Variants in ANO10 observed in about 807,000 individuals in gnomAD.
ANO10 encodes anoctamin 10, also known as anoctamin-10.
Under a neutral mutation model 74.7 loss-of-function variants are expected in ANO10, and 77 were observed. The observed-to-expected ratio is 1.03, with a 90% CI of 0.86 to 1.25. The LOEUF (loss-of-function observed/expected upper bound fraction) is 1.25, where lower values mean the gene tolerates loss of function less well. Ranked by LOEUF, ANO10 falls within the 50% of genes most tolerant of loss-of-function variation. The probability of loss-of-function intolerance (pLI) is 0.00; values close to 1 mark genes in which losing one functional copy is unlikely to be tolerated. For synonymous variants in ANO10, 279 were observed against 284.9 expected, an observed-to-expected ratio of 0.98 and a Z score of 0.21; for missense variants, 721 against 778.1, an observed-to-expected ratio of 0.93 and a Z score of 0.87.
At chr3:43,451,429 C>T (rs1374787178) in intron 11 of ANO10, among the ~76,000 whole-genome samples, 2 of 152,214 alleles carry the variant, frequency 1.3e-5, no homozygotes, top group African/African-American at 4.8e-5. Flanking sequence ...TCTGTTCAAT[C>T]GGCTTCCTTT....
intron 11 of ANO10, among the ~76,000 whole-genome samples, chr3:43,475,589 T>G (rs1293024679): frequency 2.7e-5 from 4 of 150,120 alleles, no homozygotes; most frequent in South Asian, 2.1e-4. Context: ...GTGGGGGGGG[T>G]TCTTTGTTTT....
intron 12 of ANO10, among the ~76,000 whole-genome samples, chr3:43,430,545 CT>C (rs1303259636): frequency 6.6e-6 from 1 of 152,024 alleles, no homozygotes; most frequent in Non-Finnish European, 1.5e-5. Flanking sequence ...AATAATCCTT[CT>C]TTTTTCCATT....
intron 11 of ANO10, among the ~76,000 whole-genome samples, chr3:43,439,211 C>T (rs1490018185): frequency 6.6e-6 from 1 of 151,152 alleles, no homozygotes; most frequent in African/African-American, 2.4e-5. Context: ...AGATTGGGGG[C>T]CAGAAGAGAA....
chr3:43,407,214 T>TA (rs1253026352), intron 12 of ANO10, among the ~76,000 whole-genome samples: 4 of 152,086 alleles, frequency 2.6e-5, no homozygotes, highest in Non-Finnish European at 5.9e-5. Flanking sequence ...GCAATGGAGA[T>TA]ACTTTAGAGA....
intron 11 of ANO10, among the ~76,000 whole-genome samples, chr3:43,534,700 G>C (rs542301408): frequency 1.3e-5 from 2 of 152,340 alleles, no homozygotes; most frequent in South Asian, 4.1e-4. Context: ...GAAACAGACA[G>C]TAAGGCAGTG....
In ANO10 at chr3:43,608,292, G is replaced by T. The variant is rs77893670; in HGVS notation, c.-11-2429C>A. Among the ~76,000 whole-genome samples, 111 of 152,212 alleles carry T rather than the reference G, an allele frequency of 7.3e-4. 1 individual carries two copies. In the East Asian group the frequency reaches 0.016, roughly 22 times the overall value. ...AATATTATGGCTACTCCAAAATTATGTACCTGGTCAAAATATGCCTCAAGA... is the reference window on the plus strand; with the variant it reads ...AATATTATGGCTACTCCAAAATTATTTACCTGGTCAAAATATGCCTCAAGA... On this transcript the variant is annotated intron_variant, in intron 1 of 12. Transcript: ENST00000292246.
chr3:43,558,280 G>T (rs1027525841), intron 9 of ANO10, among the ~76,000 whole-genome samples: 2 of 152,104 alleles, frequency 1.3e-5, no homozygotes, highest in African/African-American at 4.8e-5. Context: ...TCATTTAGTA[G>T]AAGGCAGTTC....
At chr3:43,637,681 A>G (rs966568266) in intron 1 of ANO10, 3 of 151,616 alleles carry the variant, frequency 2.0e-5, no homozygotes, top group Non-Finnish European at 4.4e-5. Flanking sequence ...CACTTTGTGT[A>G]CAGAAATGAA....
chr3:43,655,096 G>A (rs1292508660), intron 1 of ANO10, among the ~76,000 whole-genome samples: 2 of 152,056 alleles, frequency 1.3e-5, no homozygotes, highest in African/African-American at 2.4e-5. Flanking sequence ...CCTTTTACAC[G>A]TATACACAGT....
chr3:43,368,285 C>A (rs1250589448), intron 12 of ANO10, among the ~76,000 whole-genome samples: 2 of 152,090 alleles, frequency 1.3e-5, no homozygotes, highest in African/African-American at 4.8e-5. Context: ...AGTTTACCTG[C>A]GGTGGGGGTA....
chr3:43,399,888 T>C (rs562255950), intron 12 of ANO10, among the ~76,000 whole-genome samples: 2 of 152,152 alleles, frequency 1.3e-5, no homozygotes, highest in South Asian at 2.1e-4. Flanking sequence ...CAAAGCTCCT[T>C]CCCTAAGCTC....
At chr3:43,394,416 C>T (rs140413018) in intron 12 of ANO10, among the ~76,000 whole-genome samples, 24 of 152,250 alleles carry the variant, frequency 1.6e-4, no homozygotes, top group Non-Finnish European at 2.1e-4. Flanking sequence ...GTGTCAAATT[C>T]TCCCACCCTC....
At chr3:43,590,599 A>C (rs1016310611) in intron 4 of ANO10, among the ~76,000 whole-genome samples, 1 of 152,228 alleles carries the variant, frequency 6.6e-6, no homozygotes, top group African/African-American at 2.4e-5. Flanking sequence ...AAACGATCTA[A>C]GAGACAAATG....
chr3:43,449,248 C>G (rs773459762), intron 11 of ANO10, among the ~76,000 whole-genome samples: 1 of 152,018 alleles, frequency 6.6e-6, no homozygotes, highest in Admixed American at 6.6e-5. Flanking sequence ...TTATCATTTA[C>G]GTATTTTGCA....
chr3:43,586,410 C>T (rs1017570003), intron 4 of ANO10, among the ~76,000 whole-genome samples: 17 of 152,126 alleles, frequency 1.1e-4, no homozygotes, highest in Admixed American at 8.5e-4. Flanking sequence ...GGAGAACGCA[C>T]TGCCAGGTAA....
At chr3:43,389,496 T>C (rs1447982722) in intron 12 of ANO10, among the ~76,000 whole-genome samples, 1 of 152,336 alleles carries the variant, frequency 6.6e-6, no homozygotes. Context: ...TGGATGGATC[T>C]AGGAGAAGAA....
intron 1 of ANO10, among the ~76,000 whole-genome samples, chr3:43,658,613 T>G (rs938159188): frequency 5.3e-5 from 8 of 152,100 alleles, no homozygotes; most frequent in Admixed American, 4.6e-4. Context: ...GGGATTACAG[T>G]CACCTGCCAA....
chr3:43,446,171 G>A (rs779365145), intron 11 of ANO10, among the ~76,000 whole-genome samples: 2 of 152,162 alleles, frequency 1.3e-5, no homozygotes, highest in Non-Finnish European at 1.5e-5. Flanking sequence ...GTGCCTTAGG[G>A]CCTAACAGAG....
chr3:43,555,054 T>C (rs1481437881), intron 10 of ANO10, among the ~76,000 whole-genome samples: 2 of 152,138 alleles, frequency 1.3e-5, no homozygotes, highest in Non-Finnish European at 2.9e-5. Context: ...AAAGGGGTCT[T>C]AGAAATTATA....
Sources: allele counts gnomAD v4.1 joint callset (sites outside exome capture counted in the v4.1 genomes callset), GRCh38; gene constraint gnomAD v4.1.1; transcripts MANE v1.5; gene names NCBI Gene and HGNC (gene_info 2026-07-23, HGNC 2026-07-21).